BMP6: variants seen among roughly 807,000 people sequenced by gnomAD.
BMP6 encodes the protein VG-1-R.
BMP6 carries 17 observed loss-of-function variants against 54.1 expected under a neutral mutation model. The ratio of observed to expected loss-of-function variants is 0.31; its 90% CI spans 0.22 to 0.47. The LOEUF is 0.47. Among genes scored for constraint, BMP6 ranks in the 20% least tolerant of loss-of-function variants. The pLI, the probability that BMP6 is intolerant of heterozygous loss-of-function variation, is 1.00. For synonymous variants in BMP6, 328 were observed against 291.2 expected, an observed-to-expected ratio of 1.13 and a Z score of -1.28; for missense variants, 720 against 690.4, an observed-to-expected ratio of 1.04 and a Z score of -0.48.
rs756121523 is a variant in BMP6 at position 7,727,124 on chromosome 6, C to T, written c.169C>T (p.Pro57Ser). The T allele has an allele frequency of 7.9e-6, 12 of 1,525,102 alleles. No homozygotes were observed. The highest frequency in any genetic ancestry group is 2.1e-5 in the Admixed American group (1 of 48,314). 94.5% of individuals were successfully genotyped at this position (1,525,102 alleles called of 1,614,324 possible). ...GGSPGRTEQP[P>S]PSPQSSSGFL... ...GAGCCCCGGCCGCACGGAGCAGCCG[C>T]CGCCGTCGCCGCAGTCCTCCTCGGG... Residue 57 changes from proline (P) to serine (S), a missense_variant, in exon 1 of 7, where the codon CCG becomes TCG. Transcript: ENST00000283147.
At chr6:7,851,684 T>C (rs1001324698) in intron 2 of BMP6, among the ~76,000 whole-genome samples, 3 of 152,194 alleles carry the variant, frequency 2.0e-5, no homozygotes, top group Non-Finnish European at 4.4e-5. Context: ...TCATTAAGAA[T>C]GATGATTGCT....
At chr6:7,808,201 T>G (rs779627437) in intron 1 of BMP6, among the ~76,000 whole-genome samples, 40 of 152,306 alleles carry the variant, frequency 2.6e-4, no homozygotes, top group East Asian at 7.7e-4. Context: ...ATTACAGGCG[T>G]GAGCCACCGC....
intron 1 of BMP6, among the ~76,000 whole-genome samples, chr6:7,817,938 C>G (rs1404819046): frequency 2.0e-5 from 3 of 152,174 alleles, no homozygotes; most frequent in Non-Finnish European, 4.4e-5. Flanking sequence ...AGCCATCAGT[C>G]AGCTTGTCTG....
intron 4 of BMP6, among the ~76,000 whole-genome samples, chr6:7,869,453 T>TA (rs1228584088): frequency 1.3e-5 from 2 of 152,218 alleles, no homozygotes; most frequent in Non-Finnish European, 2.9e-5. Flanking sequence ...ATTGGGGGTA[T>TA]AGGCAATGTA....
chr6:7,861,322 C>T, intron 2 of BMP6, 129 bp from the exon 3 acceptor site: 1 of 1,229,850 alleles, frequency 8.1e-7, no homozygotes, highest in Non-Finnish European at 1.1e-6. Flanking sequence ...TGGCAAGTCA[C>T]TGTGCTTGTG....
chr6:7,749,663 G>T (rs945635729), intron 1 of BMP6, among the ~76,000 whole-genome samples: 33 of 152,316 alleles, frequency 2.2e-4, no homozygotes, highest in African/African-American at 7.5e-4. Context: ...TGTGGGGCTG[G>T]AGTCTTTTGC....
intron 1 of BMP6, among the ~76,000 whole-genome samples, chr6:7,825,996 A>C (rs985927169): frequency 6.6e-6 from 1 of 151,992 alleles, no homozygotes; most frequent in South Asian, 2.1e-4. Flanking sequence ...TCCTTTTCCT[A>C]CCTTGGCCCT....
intron 1 of BMP6, among the ~76,000 whole-genome samples, chr6:7,787,929 G>A (rs1005037173): frequency 6.6e-6 from 1 of 152,010 alleles, no homozygotes; most frequent in Non-Finnish European, 1.5e-5. Flanking sequence ...CTTCTGAATT[G>A]CTGACTATGG....
intron 1 of BMP6, among the ~76,000 whole-genome samples, chr6:7,778,511 A>G (rs749022313): frequency 2.6e-4 from 39 of 152,208 alleles, no homozygotes; most frequent in Non-Finnish European, 1.8e-4. Flanking sequence ...CTTGGCCACA[A>G]GAGGATTCTG....
At chr6:7,745,730 T>A (rs1353917230) in intron 1 of BMP6, among the ~76,000 whole-genome samples, 1 of 151,646 alleles carries the variant, frequency 6.6e-6, no homozygotes, top group African/African-American at 2.4e-5. Flanking sequence ...CAGGAAGATG[T>A]GGCAGCTGGC....
intron 1 of BMP6, among the ~76,000 whole-genome samples, chr6:7,736,909 C>T (rs571888800): frequency 6.6e-5 from 10 of 152,232 alleles, no homozygotes; most frequent in South Asian, 2.1e-4. Flanking sequence ...GGAAGAGGGC[C>T]GGGCGCAGTG....
intron 1 of BMP6, among the ~76,000 whole-genome samples, chr6:7,841,791 A>G (rs1301925353): frequency 6.6e-6 from 1 of 152,242 alleles, no homozygotes; most frequent in Non-Finnish European, 1.5e-5. Context: ...AAAGGAAAAG[A>G]AAGTTCAGAG....
At chr6:7,778,598 A>G (rs1371835316) in intron 1 of BMP6, among the ~76,000 whole-genome samples, 2 of 152,206 alleles carry the variant, frequency 1.3e-5, no homozygotes, top group Admixed American at 6.5e-5. Flanking sequence ...GGAGTTTCAA[A>G]AACCGAGGCA....
At chr6:7,835,630 T>C (rs13212191) in intron 1 of BMP6, among the ~76,000 whole-genome samples, 10,745 of 152,218 alleles carry the variant, frequency 0.071, 650 homozygotes, top group African/African-American at 0.16. Flanking sequence ...GATTGCTTCT[T>C]TAAGGCAGCC....
chr6:7,768,352 G>A (rs1002263807), intron 1 of BMP6, among the ~76,000 whole-genome samples: 7 of 152,206 alleles, frequency 4.6e-5, no homozygotes, highest in African/African-American at 1.7e-4. Context: ...TCCACGCTGA[G>A]CCTCCAGCAA....
At chr6:7,784,411 AGGCGTCTGAGTGTGTG>A (rs1757993042) in intron 1 of BMP6, among the ~76,000 whole-genome samples, 3 of 146,642 alleles carry the variant, frequency 2.0e-5, no homozygotes, top group African/African-American at 8.0e-5. Context: ...GTCTGTGTGT[AGGCGTCTGAGTGTGTG>A]TAGGCGTCTG....
intron 4 of BMP6, among the ~76,000 whole-genome samples, chr6:7,863,052 G>A (rs1168548034): frequency 6.6e-6 from 1 of 152,124 alleles, no homozygotes; most frequent in Non-Finnish European, 1.5e-5. Context: ...AGGCTGGAGT[G>A]CAGTGGCACG....
chr6:7,860,673 A>G (rs899105049), intron 2 of BMP6, among the ~76,000 whole-genome samples: 17 of 152,220 alleles, frequency 1.1e-4, no homozygotes, highest in African/African-American at 3.9e-4. Flanking sequence ...TGAACTTTAA[A>G]ATCACTCAGC....
In BMP6 at chr6:7,757,214, C is replaced by T. The variant is rs192163866; in HGVS notation, c.664+29595C>T. On this transcript the variant is annotated intron_variant, in intron 1 of 6. Transcript: ENST00000283147. ...GCATAGTGTGTTAGTTTCCTAAATC[C>T]GCCACAAGTGGATGACTTTAAACAA... Among the ~76,000 whole-genome samples, 19 of 152,296 alleles carry T rather than the reference C, an allele frequency of 1.2e-4. No individual in the cohort carries two copies. The East Asian group carries it at 1.3e-3, about 11-fold the overall frequency.
Sources: gnomAD v4.1 joint callset for allele counts (sites outside exome capture counted in the v4.1 genomes callset) on GRCh38, gnomAD v4.1.1 for gene constraint, MANE v1.5 for transcripts, NCBI Gene and HGNC (gene_info 2026-07-23, HGNC 2026-07-21) for gene names.